WASHC4: variants seen among roughly 807,000 people sequenced by gnomAD.
WASHC4 encodes the protein WASH complex subunit 4, also known as WASH complex subunit 7.
A neutral mutation model predicts 166.6 loss-of-function variants in WASHC4; 86 were observed. The observed-to-expected ratio is 0.52, with a 90% confidence interval of 0.43 to 0.62. WASHC4 has a LOEUF of 0.62. Ranked by LOEUF, WASHC4 falls within the 20% of genes least tolerant of loss-of-function variation. The pLI is 0.00. For synonymous variants in WASHC4, 446 were observed against 451.6 expected, an observed-to-expected ratio of 0.99 and a Z score of 0.16; for missense variants, 1,262 against 1,382.4, an observed-to-expected ratio of 0.91 and a Z score of 1.38.
At chr12:105,113,836 T>C (rs188353862) in intron 2 of WASHC4, among the ~76,000 whole-genome samples, 123 of 152,140 alleles carry the variant, frequency 8.1e-4, no homozygotes, top group African/African-American at 2.9e-3. Context: ...TTTTGACCCT[T>C]TAGCTACAAT....
At chr12:105,120,655 A>G in intron 8 of WASHC4, 58 bp downstream of exon 8, 1 of 1,213,502 alleles carries the variant, frequency 8.2e-7, no homozygotes, top group South Asian at 1.2e-5. Flanking sequence ...TTTACTTTGG[A>G]GTTTGTATGG....
chr12:105,164,890 C>T (rs1884719646), intron 32 of WASHC4, 150 bp downstream of exon 32: 2 of 614,884 alleles, frequency 3.3e-6, no homozygotes, highest in Non-Finnish European at 5.7e-6. Context: ...AAAGTAAAGC[C>T]TGTATAGATC....
rs1883112787 is a variant in WASHC4, at chr12:105,144,315, T to C, written c.2039T>C (p.Ile680Thr). 1 of 1,612,862 alleles carries C rather than the reference T, an allele frequency of 6.2e-7. No homozygotes were observed. The highest frequency in any genetic ancestry group is 8.5e-7 in the Non-Finnish European group (1 of 1,179,266). The change falls in exon 21 of 33, where the codon ATA (isoleucine) becomes ACA (threonine). Residue 680 changes from isoleucine (I) to threonine (T), a missense_variant. Physicochemically the swap from Ile to Thr is moderately conservative, Grantham distance 89. Coordinates refer to ENST00000332180, the MANE Select transcript of WASHC4 (RefSeq NM_015275.3). Reference sequence around the variant, plus strand: ...TTGCTGGACAAATTATGCAAAGAAATAGAGAAAGATCTGCGACTTTCTGTG... The same window carrying C: ...TTGCTGGACAAATTATGCAAAGAAACAGAGAAAGATCTGCGACTTTCTGTG... ...EHLLDKLCKE[I>T]EKDLRLSVHT...
At chr12:105,158,078 A>G (rs915225651) in intron 28 of WASHC4, among the ~76,000 whole-genome samples, 3 of 152,224 alleles carry the variant, frequency 2.0e-5, no homozygotes, top group Non-Finnish European at 4.4e-5. Flanking sequence ...AAAAAAATCA[A>G]TGAGTCATAA....
At chr12:105,118,587 T>A in intron 7 of WASHC4, 59 bp downstream of exon 7, 2 of 957,512 alleles carry the variant, frequency 2.1e-6, no homozygotes, top group Non-Finnish European at 3.4e-6. Context: ...ATGTTCTTTC[T>A]AAAATTAATA....
At chr12:105,113,041 A>G (rs972054381) in intron 2 of WASHC4, among the ~76,000 whole-genome samples, 1 of 152,046 alleles carries the variant, frequency 6.6e-6, no homozygotes, top group African/African-American at 2.4e-5. Context: ...GGATAGACTT[A>G]GTCTTACTTT....
intron 13 of WASHC4, among the ~76,000 whole-genome samples, chr12:105,128,662 A>C (rs1162766971): frequency 3.9e-5 from 6 of 152,234 alleles, no homozygotes; most frequent in Admixed American, 6.5e-5. Flanking sequence ...GTAAGTATAT[A>C]ATGCAAATAT....
intron 23 of WASHC4, among the ~76,000 whole-genome samples, 197 bp from the exon 24 acceptor site, chr12:105,146,845 C>T (rs1408551583): frequency 2.6e-5 from 4 of 152,088 alleles, no homozygotes; most frequent in South Asian, 4.1e-4. Flanking sequence ...ACCAACATGA[C>T]GCTCAAAGGA....
intron 6 of WASHC4, among the ~76,000 whole-genome samples, chr12:105,116,110 T>A (rs975392933): frequency 3.9e-5 from 6 of 152,280 alleles, no homozygotes; most frequent in African/African-American, 7.2e-5. Context: ...CCTCCATGCT[T>A]CTAACAGCTT....
At position 105,109,737 on chromosome 12, in the gene WASHC4, G is replaced by C. The variant is rs542194943; in HGVS notation, c.62-1388G>C. Among the ~76,000 whole-genome samples the C allele has an allele frequency of 4.1e-5, 6 of 145,108 alleles. No individual in the cohort carries two copies. The Admixed American group carries it at 4.2e-4, about 10-fold the overall frequency. Reference sequence around the variant, plus strand: ...CCACGGCTCACTGCAGCCTCGACCAGCTGAGCTCAGGTGATCTTCCTACCT... The same window carrying C: ...CCACGGCTCACTGCAGCCTCGACCACCTGAGCTCAGGTGATCTTCCTACCT... On this transcript the variant is annotated intron_variant, in intron 1 of 32. Coordinates refer to ENST00000332180, the MANE Select transcript of WASHC4 (RefSeq NM_015275.3).
chr12:105,139,532 G>A (rs891126840), intron 15 of WASHC4, among the ~76,000 whole-genome samples: 4 of 147,616 alleles, frequency 2.7e-5, no homozygotes, highest in African/African-American at 1.0e-4. Flanking sequence ...TGGTATTATC[G>A]AGCTTCATTT....
chr12:105,168,797 A>C lies in WASHC4; in HGVS notation c.*1866A>C, dbSNP rs1884936368. Reference sequence around the variant, plus strand: ...CCTGGAAACGAATTTAAATGGTGTCAAACTGCAGAGCAACAGGGCTTCAGT... The same window carrying C: ...CCTGGAAACGAATTTAAATGGTGTCCAACTGCAGAGCAACAGGGCTTCAGT... On this transcript the variant is annotated 3_prime_UTR_variant, in exon 33 of 33. Transcript: ENST00000332180. 6.6e-6 allele frequency: 1 copy of C among 152,220 alleles called. No individual in the cohort carries two copies. The allele number at this position is 152,220 out of a possible 1,614,324, so 9.4% of individuals were successfully genotyped here.
intron 9 of WASHC4, among the ~76,000 whole-genome samples, chr12:105,121,807 G>A (rs1292786744): frequency 1.3e-5 from 2 of 151,976 alleles, no homozygotes; most frequent in East Asian, 1.9e-4. Flanking sequence ...TGCCCAGCCC[G>A]ACAGTTTTTC....
intron 14 of WASHC4, 51 bp from the exon 15 acceptor site, chr12:105,137,835 A>G (rs1166849825): frequency 2.7e-6 from 4 of 1,508,164 alleles, no homozygotes; most frequent in South Asian, 2.3e-5. Context: ...AGATAATGAA[A>G]TCTTGAAGAA....
At chr12:105,166,839 T>A in intron 32 of WASHC4, 25 bp from the exon 33 acceptor site, 2 of 1,497,434 alleles carry the variant, frequency 1.3e-6, no homozygotes, top group Non-Finnish European at 1.9e-6. Context: ...TAAATATCCA[T>A]TATTATTTTC....
At chr12:105,142,983 C>A (rs188202869) in intron 19 of WASHC4, 144 bp from the exon 20 acceptor site, 145 of 635,704 alleles carry the variant, frequency 2.3e-4, no homozygotes, top group Middle Eastern at 2.0e-3. Flanking sequence ...GGTTCTTTTT[C>A]TTTAGGAAAG....
chr12:105,148,126 A>C (rs1380608781), intron 24 of WASHC4: 1 of 985,178 alleles, frequency 1.0e-6, no homozygotes, highest in Non-Finnish European at 1.2e-6. Flanking sequence ...TGGAAAGTTA[A>C]GTTGGGATCA....
chr12:105,110,182 G>T (rs1168649303), intron 1 of WASHC4, among the ~76,000 whole-genome samples: 1 of 152,182 alleles, frequency 6.6e-6, no homozygotes, highest in Non-Finnish European at 1.5e-5. Flanking sequence ...AACTTTATGT[G>T]GTTGAAGAAT....
rs1330955963 is a variant in WASHC4, at chr12:105,142,637, A to G, written c.1893+79A>G. 5.6e-6 allele frequency: 4 copies of G among 715,424 alleles called. No individual in the cohort carries two copies. In the East Asian group the frequency reaches 8.7e-5, roughly 16 times the overall value. 44.3% of individuals were successfully genotyped at this position (715,424 alleles called of 1,614,324 possible). ...AAACCGTTTTAGTTTAAAATAGATC[A>G]TTTGATTTAATAAACTTTTAAAATT... On this transcript the variant is annotated intron_variant, in intron 19 of 32. Coordinates refer to ENST00000332180, the MANE Select transcript of WASHC4 (RefSeq NM_015275.3).
Sources: gnomAD v4.1 joint callset for allele counts (sites outside exome capture counted in the v4.1 genomes callset) on GRCh38, gnomAD v4.1.1 for gene constraint, MANE v1.5 for transcripts, NCBI Gene and HGNC (gene_info 2026-07-23, HGNC 2026-07-21) for gene names.